FAM222A: variants seen among roughly 807,000 people sequenced by gnomAD.
FAM222A encodes protein FAM222A.
Under a neutral mutation model 25.8 loss-of-function variants are expected in FAM222A, and 7 were observed. That is an observed-to-expected ratio of 0.27 (90% CI 0.15 to 0.51). The LOEUF (loss-of-function observed/expected upper bound fraction) is 0.51. Ranked by LOEUF, FAM222A falls within the 20% of genes least tolerant of loss-of-function variation. The pLI is 0.97. For synonymous variants in FAM222A, 294 were observed against 298.8 expected, an observed-to-expected ratio of 0.98 and a Z score of 0.17; for missense variants, 573 against 640.5, an observed-to-expected ratio of 0.89 and a Z score of 1.14.
At chr12:109,757,939 A>G (rs1888781329) in intron 2 of FAM222A, among the ~76,000 whole-genome samples, 1 of 152,214 alleles carries the variant, frequency 6.6e-6, no homozygotes, top group African/African-American at 2.4e-5. Flanking sequence ...GGGTGCAGGC[A>G]GAGAGTAAGG....
intron 2 of FAM222A, among the ~76,000 whole-genome samples, chr12:109,751,773 G>A (rs893123368): frequency 6.6e-6 from 1 of 152,202 alleles, no homozygotes; most frequent in Non-Finnish European, 1.5e-5. Context: ...TACTCAGGGC[G>A]TGCCCCTCAC....
At chr12:109,729,394 C>T (rs537375113) in intron 1 of FAM222A, among the ~76,000 whole-genome samples, 120 of 152,288 alleles carry the variant, frequency 7.9e-4, no homozygotes, top group Non-Finnish European at 1.3e-3. Context: ...TCCCCATCCC[C>T]GGCCAGCAAG....
At chr12:109,751,762 G>A (rs1888564741) in intron 2 of FAM222A, among the ~76,000 whole-genome samples, 1 of 152,188 alleles carries the variant, frequency 6.6e-6, no homozygotes, top group Admixed American at 6.5e-5. Flanking sequence ...TTTAGATTTT[G>A]TACTCAGGGC....
Position 109,755,690 on chromosome 12 carries a change from T to C in FAM222A, c.82+11462T>C, listed in dbSNP as rs189039837. Among the ~76,000 whole-genome samples the C allele has an allele frequency of 2.3e-4, 35 of 152,360 alleles. 1 individual carries two copies. Among genetic ancestry groups the C allele is most frequent in the Admixed American group, 1.0e-3 (16 of 15,312 alleles). ...AGGAAAGGATCCGACTTCATTCTTT[T>C]GCATATCGATACCTAGCTGTCCCAA... On this transcript the variant is annotated intron_variant, in intron 2 of 2. Transcript: ENST00000538780.
At position 109,714,603 on chromosome 12, in the gene FAM222A, C is replaced by G. The variant is rs368649039; in HGVS notation, c.-341C>G. 6.6e-6 allele frequency: 1 copy of G among 151,848 alleles called. No homozygotes were observed. The highest frequency in any genetic ancestry group is 2.4e-5 in the African/African-American group (1 of 41,398). The allele number at this position is 151,848 out of a possible 1,614,324, so 9.4% of individuals were successfully genotyped here. On this transcript the variant is annotated 5_prime_UTR_variant, in exon 1 of 3. Transcript: ENST00000538780. The surrounding 1 kb of genome is among the most constrained non-coding windows in gnomAD (Gnocchi z 4.2). ...GGGAGGCGCAGCGCCGCCCGCCGGA[C>G]GTGGCGATCACGGGCCCCGGCGAAG...
rs780898328 is a variant in FAM222A, at chr12:109,768,892, C to T, written c.963C>T (p.Tyr321=). 62 of 1,581,940 alleles carry T rather than the reference C, an allele frequency of 3.9e-5. No homozygotes were observed. The highest frequency in any genetic ancestry group is 1.9e-4 in the African/African-American group (14 of 74,608). The part of the protein sequence containing the change: ...KSPEACGGRA[Y]ERASGSPLNC... ...CTGAGGCTTGCGGGGGCCGGGCATA[C>T]GAGCGGGCCAGCGGGTCACCCCTCA... Residue 321 remains tyrosine (Y), a synonymous_variant, in exon 3 of 3, where the codon TAC becomes TAT. Coordinates refer to ENST00000538780, the MANE Select transcript of FAM222A (RefSeq NM_032829.3).
intron 1 of FAM222A, among the ~76,000 whole-genome samples, chr12:109,728,967 T>A (rs1434511429): frequency 1.3e-4 from 11 of 85,686 alleles, no homozygotes; most frequent in Non-Finnish European, 2.8e-5. Flanking sequence ...GCAGTGGGGT[T>A]ACAGGTAAAA....
At chr12:109,759,627 G>A (rs535913690) in intron 2 of FAM222A, among the ~76,000 whole-genome samples, 21 of 152,332 alleles carry the variant, frequency 1.4e-4, no homozygotes, top group African/African-American at 4.6e-4. Flanking sequence ...AGCCCAGCCA[G>A]CCTTTTAAAT....
At chr12:109,757,878 C>T (rs1034809354) in intron 2 of FAM222A, among the ~76,000 whole-genome samples, 4 of 152,204 alleles carry the variant, frequency 2.6e-5, no homozygotes, top group Non-Finnish European at 4.4e-5. Flanking sequence ...GGCAAAAGGA[C>T]AGGCAGCAAC....
rs562758512 is a variant in FAM222A, at chr12:109,768,740, G to A, written c.811G>A (p.Gly271Arg). The change falls in exon 3 of 3, where the codon GGG (glycine) becomes AGG (arginine). Residue 271 changes from glycine (G) to arginine (R), a missense_variant. Coordinates refer to ENST00000538780, the MANE Select transcript of FAM222A (RefSeq NM_032829.3). ...QGATQALTLA[G>R]AAKPAGYADS... ...AGCCACCCAAGCCTTGACGTTGGCT[G>A]GGGCCGCCAAGCCTGCAGGGTACGC... is the stretch of plus-strand genomic sequence containing the variant. The A allele has an allele frequency of 4.9e-5, 77 of 1,578,758 alleles. No homozygotes were observed. The East Asian group carries it at 1.3e-3, about 26-fold the overall frequency.
intron 2 of FAM222A, among the ~76,000 whole-genome samples, chr12:109,764,362 G>A (rs532685923): frequency 6.6e-6 from 1 of 152,318 alleles, no homozygotes; most frequent in African/African-American, 2.4e-5. Flanking sequence ...CCACATGGGG[G>A]CAAAATGCCC....
At chr12:109,765,008 G>A (rs1889002865) in intron 2 of FAM222A, among the ~76,000 whole-genome samples, 1 of 152,118 alleles carries the variant, frequency 6.6e-6, no homozygotes, top group Admixed American at 6.5e-5. Context: ...GAGGCCAGAT[G>A]AACGGAGAGC....
In FAM222A at chr12:109,768,476, C is replaced by A. The variant is rs201397662; in HGVS notation, c.547C>A (p.Pro183Thr). The A allele has an allele frequency of 1.2e-6, 2 of 1,603,658 alleles. No individual in the cohort carries two copies. Among genetic ancestry groups the A allele is most frequent in the Admixed American group, 1.7e-5 (1 of 59,906 alleles). Residue 183 changes from proline (P) to threonine (T), a missense_variant, in exon 3 of 3, where the codon CCC becomes ACC. Coordinates refer to ENST00000538780, the MANE Select transcript of FAM222A (RefSeq NM_032829.3). ...AGCCGCCACTGCCGCCTCCGTCATC[C>A]CCCTGCCGGGCCGGGGCCTGCCCCT... is the stretch of plus-strand genomic sequence containing the variant. ...PAAATAASVI[P>T]LPGRGLPLPP... is the part of the protein sequence containing the mutation.
intron 1 of FAM222A, among the ~76,000 whole-genome samples, chr12:109,731,698 G>A (rs566775857): frequency 2.7e-4 from 41 of 152,244 alleles, no homozygotes; most frequent in African/African-American, 9.4e-4. Context: ...AGCTGGGTCC[G>A]GAGGAGGCTC....
chr12:109,768,368 C>G lies in FAM222A; in HGVS notation c.439C>G (p.Pro147Ala). The change falls in exon 3 of 3, where the codon CCC becomes GCC. Residue 147 changes from proline (P) to alanine (A), a missense_variant. Physicochemically the swap from Pro to Ala is conservative, Grantham distance 27. Coordinates refer to ENST00000538780, the MANE Select transcript of FAM222A (RefSeq NM_032829.3). ...SPAAVQVGIA[P>A]YPVPSTLGPL... ...GGCCGCCGTGCAGGTGGGCATTGCG[C>G]CCTACCCAGTGCCCAGCACTCTGGG... 6.3e-7 allele frequency: 1 copy of G among 1,597,284 alleles called. No individual in the cohort carries two copies. Among genetic ancestry groups the G allele is most frequent in the Non-Finnish European group, 8.5e-7 (1 of 1,176,442 alleles).
At chr12:109,721,504 CT>C (rs1887745265) in intron 1 of FAM222A, among the ~76,000 whole-genome samples, 1 of 152,246 alleles carries the variant, frequency 6.6e-6, no homozygotes, top group African/African-American at 2.4e-5. Context: ...AGTTCTTCCC[CT>C]GACCTTGGGT....
intron 2 of FAM222A, among the ~76,000 whole-genome samples, chr12:109,761,866 A>G (rs1328670808): frequency 6.6e-6 from 1 of 152,100 alleles, no homozygotes; most frequent in Non-Finnish European, 1.5e-5. Flanking sequence ...AAAGCAGAGG[A>G]AACCCCCGGG....
intron 2 of FAM222A, among the ~76,000 whole-genome samples, chr12:109,748,288 AT>A (rs1308919891): frequency 7.6e-6 from 1 of 131,996 alleles, no homozygotes; most frequent in African/African-American, 2.8e-5. Flanking sequence ...GTTATTTAGG[AT>A]TTTTGCCTCA....
At chr12:109,733,638 C>T (rs899796522) in intron 1 of FAM222A, among the ~76,000 whole-genome samples, 2 of 152,100 alleles carry the variant, frequency 1.3e-5, no homozygotes, top group African/African-American at 2.4e-5. Flanking sequence ...CTCCTGTCCT[C>T]GTGATCTGCC....
Sources: allele counts gnomAD v4.1 joint callset (sites outside exome capture counted in the v4.1 genomes callset), GRCh38; gene constraint gnomAD v4.1.1; non-coding constraint Gnocchi (gnomAD v3.1); transcripts MANE v1.5; gene names NCBI Gene and HGNC (gene_info 2026-07-23, HGNC 2026-07-21).